TMEM132B: variants seen among roughly 807,000 people sequenced by gnomAD.
TMEM132B encodes transmembrane protein 132B.
A neutral mutation model predicts 90.8 loss-of-function variants in TMEM132B; 18 were observed. That is an observed-to-expected ratio of 0.20 (90% CI 0.14 to 0.29). The LOEUF (loss-of-function observed/expected upper bound fraction) is 0.29. TMEM132B is among the 10% of genes least tolerant of loss of function. TMEM132B has a pLI of 1.00. For synonymous variants in TMEM132B, 504 were observed against 523.3 expected (o/e 0.96, Z 0.50); for missense variants, 1,096 against 1,326.8 (o/e 0.83, Z 2.70).
At chr12:125,433,160 T>C (rs1880592598) in intron 3 of TMEM132B, among the ~76,000 whole-genome samples, 1 of 152,224 alleles carries the variant, frequency 6.6e-6, no homozygotes, top group East Asian at 1.9e-4. Flanking sequence ...GCGGTGTGCT[T>C]ATTTTTAAAT....
chr12:125,392,004 G>A (rs1396408630), intron 2 of TMEM132B, among the ~76,000 whole-genome samples: 1 of 152,122 alleles, frequency 6.6e-6, no homozygotes, highest in Non-Finnish European at 1.5e-5. Flanking sequence ...TGAGCTCAAG[G>A]CATCTGCCTG....
chr12:125,276,777 A>G (rs1185007142), intron 1 of TMEM132B, among the ~76,000 whole-genome samples: 1 of 152,184 alleles, frequency 6.6e-6, no homozygotes, highest in Admixed American at 6.5e-5. Context: ...TGCAGTAACA[A>G]CTGTCAGCGC....
intron 1 of TMEM132B, among the ~76,000 whole-genome samples, chr12:125,195,394 G>GTTTTTTTT (rs36005995): frequency 1.1e-5 from 1 of 89,908 alleles, no homozygotes; most frequent in African/African-American, 4.2e-5. Context: ...GGGTTTGCGG[G>GTTTTTTTT]TTTTTTTTTT....
chr12:125,466,496 A>G (rs12317422), intron 3 of TMEM132B, among the ~76,000 whole-genome samples: 2,814 of 152,316 alleles, frequency 0.018, 88 homozygotes, highest in African/African-American at 0.065. Context: ...TGAGGCTTTC[A>G]TTCCTGTTGT....
At position 125,662,360 on chromosome 12, in the gene TMEM132B, T is replaced by C. The variant is rs1391038945; in HGVS notation, c.*7650T>C. On this transcript the variant is annotated 3_prime_UTR_variant, in exon 9 of 9. Coordinates refer to ENST00000682704, the MANE Select transcript of TMEM132B (RefSeq NM_001366854.1). ...ATTTTGAAAACGAAGAAATAAAACA[T>C]GTTGGATGATTCCTTGTTATAGTAA... 3 of 152,164 alleles carry C rather than the reference T, an allele frequency of 2.0e-5. No individual in the cohort carries two copies. The highest frequency in any genetic ancestry group is 4.4e-5 in the Non-Finnish European group (3 of 68,020). 9.4% of individuals were successfully genotyped at this position (152,164 alleles called of 1,614,324 possible).
At chr12:125,334,417 T>C (rs1248981416) in intron 1 of TMEM132B, among the ~76,000 whole-genome samples, 6 of 152,120 alleles carry the variant, frequency 3.9e-5, no homozygotes, top group Non-Finnish European at 8.8e-5. Context: ...AGGGGTTTTC[T>C]GATCTTCGCT....
intron 1 of TMEM132B, among the ~76,000 whole-genome samples, chr12:125,270,269 T>G (rs944499279): frequency 2.0e-5 from 3 of 152,094 alleles, no homozygotes; most frequent in African/African-American, 7.2e-5. Flanking sequence ...CCTGAGTAGC[T>G]GGAACTCCAG....
At chr12:125,236,169 G>A (rs986151480) in intron 1 of TMEM132B, among the ~76,000 whole-genome samples, 1 of 150,398 alleles carries the variant, frequency 6.6e-6, no homozygotes, top group Non-Finnish European at 1.5e-5. Context: ...TTTTTGAGAC[G>A]GAATCTCTCT....
intron 1 of TMEM132B, among the ~76,000 whole-genome samples, chr12:125,267,231 C>T (rs1874717032): frequency 6.6e-6 from 1 of 152,138 alleles, no homozygotes; most frequent in South Asian, 2.1e-4. Flanking sequence ...CTCTGTTACT[C>T]CCTAGGCTGG....
chr12:125,577,206 C>T (rs940827958), intron 4 of TMEM132B, among the ~76,000 whole-genome samples: 42 of 151,690 alleles, frequency 2.8e-4, no homozygotes, highest in African/African-American at 9.4e-4. Flanking sequence ...CCTCTTGAGC[C>T]AGTTTTGGTA....
chr12:125,189,487 C>T lies in TMEM132B; in HGVS notation c.67+2621C>T, dbSNP rs76793082. ...AGGCTCTCTTCCTCCTGCCTGGCAC[C>T]TTGGTGTGGCATGTGGTATATTTCT... On this transcript the variant is annotated intron_variant, in intron 1 of 8. Transcript: ENST00000682704. Among the ~76,000 whole-genome samples, 946 of 151,988 alleles carry T rather than the reference C, an allele frequency of 6.2e-3. 8 individuals are homozygous for T. Among genetic ancestry groups the T allele is most frequent in the Non-Finnish European group, 8.8e-3 (596 of 67,982 alleles).
chr12:125,650,263 G>A (rs1161348784), intron 6 of TMEM132B, among the ~76,000 whole-genome samples: 4 of 152,124 alleles, frequency 2.6e-5, no homozygotes, highest in Non-Finnish European at 4.4e-5. Context: ...TCATTTCCAA[G>A]GGGAGGTAGC....
intron 5 of TMEM132B, among the ~76,000 whole-genome samples, chr12:125,604,385 G>A (rs543907321): frequency 6.7e-6 from 1 of 150,086 alleles, no homozygotes; most frequent in African/African-American, 2.4e-5. Flanking sequence ...TCATAAGTGG[G>A]AGTTGAACAG....
chr12:125,433,416 C>T (rs575607096), intron 3 of TMEM132B, among the ~76,000 whole-genome samples: 15 of 152,244 alleles, frequency 9.9e-5, no homozygotes, highest in Middle Eastern at 3.4e-3. Flanking sequence ...AAACACTCTC[C>T]GGCTCAACTG....
intron 2 of TMEM132B, among the ~76,000 whole-genome samples, chr12:125,376,433 A>T (rs1878486453): frequency 6.6e-6 from 1 of 152,198 alleles, no homozygotes; most frequent in Non-Finnish European, 1.5e-5. Flanking sequence ...ATGCCTGAGG[A>T]CTGGGAACGT....
chr12:125,569,613 G>A (rs1460821166), intron 4 of TMEM132B, among the ~76,000 whole-genome samples: 1 of 152,148 alleles, frequency 6.6e-6, no homozygotes, highest in Admixed American at 6.5e-5. Context: ...GACTCTTCTG[G>A]TGGTAACAGA....
At position 125,660,627 on chromosome 12, in the gene TMEM132B, G is replaced by T. The variant is rs1224851520; in HGVS notation, c.*5917G>T. ...ACTATTCTATGACTCAAGACAACTA[G>T]GACACCATCATTTTCCAGATAAGAA... On this transcript the variant is annotated 3_prime_UTR_variant, in exon 9 of 9. Coordinates refer to ENST00000682704, the MANE Select transcript of TMEM132B (RefSeq NM_001366854.1). The T allele has an allele frequency of 6.6e-6, 1 of 152,096 alleles. No individual in the cohort carries two copies. 9.4% of individuals were successfully genotyped at this position (152,096 alleles called of 1,614,324 possible). A position where few individuals can be genotyped will look rare whatever the true frequency, so the allele number is the denominator to read the frequency against.
chr12:125,563,187 TAA>T (rs869134464), intron 4 of TMEM132B, among the ~76,000 whole-genome samples: 1 of 141,210 alleles, frequency 7.1e-6, no homozygotes, highest in African/African-American at 2.5e-5. Context: ...ATAATAATAA[TAA>T]AAGTTTGAAA....
intron 1 of TMEM132B, among the ~76,000 whole-genome samples, chr12:125,334,399 G>A (rs2136210192): frequency 6.6e-6 from 1 of 152,358 alleles, no homozygotes; most frequent in South Asian, 2.1e-4. Flanking sequence ...AGGAAGGGGA[G>A]AGGAGCTAGG....
Sources: gnomAD v4.1 joint callset for allele counts (sites outside exome capture counted in the v4.1 genomes callset) on GRCh38, gnomAD v4.1.1 for gene constraint, MANE v1.5 for transcripts, NCBI Gene and HGNC (gene_info 2026-07-23, HGNC 2026-07-21) for gene names.